LHFPL3: variants seen among roughly 807,000 people sequenced by gnomAD.
The protein encoded by LHFPL3 is LHFPL tetraspan subfamily member 3 protein.
In LHFPL3, 5 loss-of-function variants were observed where a neutral mutation model predicts 19.3. The observed-to-expected ratio is 0.26, with a 90% CI of 0.14 to 0.54. The LOEUF (loss-of-function observed/expected upper bound fraction) is 0.54, where lower values mean the gene tolerates loss of function less well. LHFPL3 is among the 20% of genes least tolerant of loss of function. The pLI is 0.94. For synonymous variants in LHFPL3, 133 were observed against 126.2 expected (o/e 1.05, Z -0.36); for missense variants, 249 against 307.4 (o/e 0.81, Z 1.42).
intron 2 of LHFPL3, among the ~76,000 whole-genome samples, chr7:104,767,109 G>A (rs1429025176): frequency 1.3e-5 from 2 of 152,208 alleles, no homozygotes; most frequent in Non-Finnish European, 2.9e-5. Flanking sequence ...GATTAAATGC[G>A]ATAAGGTAGG....
intron 1 of LHFPL3, among the ~76,000 whole-genome samples, chr7:104,573,176 G>C (rs967624612): frequency 1.3e-5 from 2 of 152,176 alleles, no homozygotes; most frequent in African/African-American, 2.4e-5. Context: ...ACTTTGGGAG[G>C]CCAAGGCGGG....
intron 2 of LHFPL3, among the ~76,000 whole-genome samples, chr7:104,875,683 T>C (rs938336698): frequency 6.6e-6 from 1 of 152,224 alleles, no homozygotes; most frequent in South Asian, 2.1e-4. Flanking sequence ...CTTTAAATTA[T>C]ATGATAAATA....
rs1378039764 is a variant in LHFPL3, at chr7:104,569,648, A to G, written c.446-167027A>G. On this transcript the variant is annotated intron_variant, in intron 1 of 2. Coordinates refer to ENST00000424859, the MANE Select transcript of LHFPL3 (RefSeq NM_199000.3). ...CTTAATAAAAACAGTTGTAAATAAT[A>G]TATTCTTAATGATGGCTAATATTTT... Among the ~76,000 whole-genome samples the G allele has an allele frequency of 4.6e-5, 7 of 152,336 alleles. No homozygotes were observed. The South Asian group carries it at 1.5e-3, about 32-fold the overall frequency.
At chr7:104,897,550 C>T (rs759270685) in intron 2 of LHFPL3, among the ~76,000 whole-genome samples, 2 of 152,166 alleles carry the variant, frequency 1.3e-5, no homozygotes, top group Non-Finnish European at 2.9e-5. Flanking sequence ...TGCTGAGAAA[C>T]GAAAGCCTCA....
rs1429040345 is a variant in LHFPL3 at position 104,329,353 on chromosome 7, G to C, written c.445+129G>C. On this transcript the variant is annotated intron_variant, in intron 1 of 2. Coordinates refer to ENST00000424859, the MANE Select transcript of LHFPL3 (RefSeq NM_199000.3). ...AAGCCGCCTAATCCGCTCAGGCGTC[G>C]AGGTGTGGGGGGCGGGAGCCCAGCG... 7 of 1,219,952 alleles carry C rather than the reference G, an allele frequency of 5.7e-6. No homozygotes were observed. The East Asian group carries it at 1.5e-4, about 27-fold the overall frequency. 75.6% of individuals were successfully genotyped at this position (1,219,952 alleles called of 1,614,324 possible).
chr7:104,349,277 A>G (rs1389097580), intron 1 of LHFPL3, among the ~76,000 whole-genome samples: 1 of 152,190 alleles, frequency 6.6e-6, no homozygotes, highest in South Asian at 2.1e-4. Flanking sequence ...AGATATTAAT[A>G]ATTGTTTTTT....
At chr7:104,387,828 C>T (rs1025228113) in intron 1 of LHFPL3, among the ~76,000 whole-genome samples, 3 of 152,038 alleles carry the variant, frequency 2.0e-5, no homozygotes, top group Non-Finnish European at 4.4e-5. Context: ...GGTACATGTG[C>T]AGGTTTGCCA....
chr7:104,675,784 G>A lies in LHFPL3; in HGVS notation c.446-60891G>A, dbSNP rs371891423. On this transcript the variant is annotated intron_variant, in intron 1 of 2. Transcript: ENST00000424859. ...TTTTGACCTGAGAAGCTAGAAAGAC[G>A]GATCAATTATTTTCAGGATGGAAGA... 6.6e-5 allele frequency among the ~76,000 whole-genome samples: 10 copies of A among 152,220 alleles called. No homozygotes were observed. In the South Asian group the frequency reaches 1.7e-3, roughly 25 times the overall value.
chr7:104,465,784 T>G (rs1030904643), intron 1 of LHFPL3, among the ~76,000 whole-genome samples: 2 of 152,216 alleles, frequency 1.3e-5, no homozygotes, highest in Non-Finnish European at 2.9e-5. Context: ...GAGATTTGGG[T>G]GGGGACACAG....
chr7:104,462,850 C>A (rs4439055), intron 1 of LHFPL3, among the ~76,000 whole-genome samples: 1 of 152,110 alleles, frequency 6.6e-6, no homozygotes, highest in East Asian at 1.9e-4. Flanking sequence ...TAGAATTCGG[C>A]TGTGACTCCA....
intron 1 of LHFPL3, among the ~76,000 whole-genome samples, chr7:104,603,011 C>A (rs1790998275): frequency 6.6e-6 from 1 of 152,142 alleles, no homozygotes. Flanking sequence ...TTAAAGGTTC[C>A]ACCTCTCAAC....
At chr7:104,789,727 GT>G (rs1562794125) in intron 2 of LHFPL3, among the ~76,000 whole-genome samples, 1 of 152,074 alleles carries the variant, frequency 6.6e-6, no homozygotes, top group African/African-American at 2.4e-5. Context: ...CATAAACTAT[GT>G]TTTTCCCTCC....
chr7:104,666,523 T>TTTTTTA (rs1792351645), intron 1 of LHFPL3, among the ~76,000 whole-genome samples: 4 of 72,812 alleles, frequency 5.5e-5, no homozygotes, highest in African/African-American at 1.8e-4. Flanking sequence ...TTTTTTTTTT[T>TTTTTTA]TTTTTTTTTT....
At chr7:104,783,061 A>G (rs1789843839) in intron 2 of LHFPL3, among the ~76,000 whole-genome samples, 1 of 152,240 alleles carries the variant, frequency 6.6e-6, no homozygotes, top group South Asian at 2.1e-4. Context: ...ATCAGCATCA[A>G]CTGGGAACTT....
chr7:104,558,248 C>A (rs1382095232), intron 1 of LHFPL3, among the ~76,000 whole-genome samples: 1 of 151,354 alleles, frequency 6.6e-6, no homozygotes, highest in Non-Finnish European at 1.5e-5. Context: ...CCTGAGGAAT[C>A]GCCACACTGA....
At chr7:104,357,723 T>A (rs1033758066) in intron 1 of LHFPL3, among the ~76,000 whole-genome samples, 13 of 152,012 alleles carry the variant, frequency 8.6e-5, no homozygotes, top group African/African-American at 3.1e-4. Context: ...CAGGCATGGG[T>A]TGAAGCTGCC....
intron 1 of LHFPL3, among the ~76,000 whole-genome samples, chr7:104,345,757 T>G (rs183857409): frequency 5.9e-5 from 9 of 152,286 alleles, no homozygotes; most frequent in Middle Eastern, 3.4e-3. Flanking sequence ...TAATAAGTGG[T>G]TTTACAAAGT....
At chr7:104,474,839 G>T (rs1792980622) in intron 1 of LHFPL3, among the ~76,000 whole-genome samples, 1 of 152,106 alleles carries the variant, frequency 6.6e-6, no homozygotes, top group Admixed American at 6.6e-5. Flanking sequence ...AGAGAAGGTG[G>T]GTTCTTCTTA....
At chr7:104,517,428 ATTAT>A (rs1297632649) in intron 1 of LHFPL3, among the ~76,000 whole-genome samples, 2 of 151,074 alleles carry the variant, frequency 1.3e-5, no homozygotes, top group Admixed American at 6.6e-5. Context: ...ATATCAATAT[ATTAT>A]TTAATACAAA....
Sources: gnomAD v4.1 joint callset for allele counts (sites outside exome capture counted in the v4.1 genomes callset) on GRCh38, gnomAD v4.1.1 for gene constraint, MANE v1.5 for transcripts, NCBI Gene and HGNC (gene_info 2026-07-23, HGNC 2026-07-21) for gene names.